Variants in F11R observed in about 807,000 individuals in gnomAD.
F11R encodes F11 receptor, also known as junctional adhesion molecule A.
In F11R, 27 loss-of-function variants were observed where a neutral mutation model predicts 39.3. The ratio of observed to expected loss-of-function variants is 0.69; its 90% CI spans 0.51 to 0.95. F11R has a LOEUF of 0.95. Ranked by LOEUF, F11R falls within the 40% of genes least tolerant of loss-of-function variation. F11R has a pLI of 0.00. For synonymous variants in F11R, 131 were observed against 144.9 expected, an observed-to-expected ratio of 0.90 and a Z score of 0.69; for missense variants, 335 against 372.7, an observed-to-expected ratio of 0.90 and a Z score of 0.83.
intron 1 of F11R, among the ~76,000 whole-genome samples, chr1:161,011,796 TA>T (rs1332460985): frequency 3.3e-5 from 5 of 152,188 alleles, no homozygotes; most frequent in African/African-American, 1.2e-4. Flanking sequence ...TCATAAAGAC[TA>T]GAATGAAACA....
chr1:161,017,099 A>G (rs1649504538), intron 1 of F11R, among the ~76,000 whole-genome samples: 1 of 152,106 alleles, frequency 6.6e-6, no homozygotes, highest in Non-Finnish European at 1.5e-5. Context: ...ACCACTCCCT[A>G]ATCTCAAGTA....
chr1:161,003,283 C>T (rs1245291130), intron 1 of F11R, among the ~76,000 whole-genome samples: 1 of 151,774 alleles, frequency 6.6e-6, no homozygotes, highest in African/African-American at 2.4e-5. Flanking sequence ...GCCACCATGC[C>T]CGGCTAATTT....
At chr1:161,004,621 A>G (rs1369582083) in intron 1 of F11R, among the ~76,000 whole-genome samples, 1 of 152,004 alleles carries the variant, frequency 6.6e-6, no homozygotes, top group Non-Finnish European at 1.5e-5. Context: ...AGGCAAAAGG[A>G]CTACTTAAGC....
chr1:161,010,803 T>G (rs909773903), intron 1 of F11R, among the ~76,000 whole-genome samples: 1 of 151,680 alleles, frequency 6.6e-6, no homozygotes, highest in Admixed American at 6.6e-5. Context: ...CTGACCAAAA[T>G]GGTGAAACCC....
intron 1 of F11R, among the ~76,000 whole-genome samples, chr1:161,008,525 C>A (rs753357679): frequency 2.0e-5 from 3 of 152,096 alleles, no homozygotes; most frequent in Non-Finnish European, 4.4e-5. Context: ...AAAGTCCATT[C>A]TCCATTCCAC....
rs140220231 is a variant in F11R, at chr1:161,000,171, A to G, written c.566T>C (p.Val189Ala). 39 of 1,614,018 alleles carry G rather than the reference A, an allele frequency of 2.4e-5. No homozygotes were observed. The highest frequency in any genetic ancestry group is 3.1e-5 in the Non-Finnish European group (37 of 1,180,026). Residue 189 changes from valine (V) to alanine (A), a missense_variant, in exon 5 of 10, where the codon GTC becomes GCC. Val to Ala is a moderately conservative substitution (Grantham distance 64). Transcript: ENST00000368026. ...CAGCTCTCCTGTTGTGGGATTCAGG[A>G]CATAGGAAGAGTTGCTGAAGGCACG... ...STRAFSNSSY[V>A]LNPTTGELVF... is the part of the protein sequence containing the mutation.
At chr1:161,003,280 T>C (rs1648602700) in intron 1 of F11R, among the ~76,000 whole-genome samples, 1 of 151,336 alleles carries the variant, frequency 6.6e-6, no homozygotes, top group Admixed American at 6.6e-5. Context: ...TGTGCCACCA[T>C]GCCCGGCTAA....
intron 1 of F11R, among the ~76,000 whole-genome samples, chr1:161,006,660 C>T (rs192553106): frequency 1.3e-3 from 204 of 152,316 alleles, no homozygotes; most frequent in African/African-American, 4.8e-3. Flanking sequence ...TGTCCTCCCA[C>T]CCACCTCTGT....
At chr1:161,006,556 C>A (rs1648828682) in intron 1 of F11R, among the ~76,000 whole-genome samples, 2 of 152,208 alleles carry the variant, frequency 1.3e-5, no homozygotes, top group South Asian at 4.1e-4. Context: ...CGTTGGGCTA[C>A]AGGCATATTA....
At chr1:161,019,810 A>T (rs1019383736) in intron 1 of F11R, among the ~76,000 whole-genome samples, 3 of 152,124 alleles carry the variant, frequency 2.0e-5, no homozygotes, top group African/African-American at 7.2e-5. Flanking sequence ...ATTGTCATTG[A>T]AGTCATTTCC....
chr1:161,012,645 C>T lies in F11R; in HGVS notation c.64+8365G>A, dbSNP rs1412103301. 3.0e-4 allele frequency among the ~76,000 whole-genome samples: 27 copies of T among 89,710 alleles called. 2 individuals are homozygous for T. In the South Asian group the frequency reaches 9.4e-3, roughly 31 times the overall value. 58.9% of individuals were successfully genotyped at this position (89,710 alleles called of 152,430 possible). A position where few individuals can be genotyped will look rare whatever the true frequency, so the allele number is the denominator to read the frequency against. On this transcript the variant is annotated intron_variant, in intron 1 of 9. Transcript: ENST00000368026. ...ATTTATTTATTTATTTATTTTGAGA[C>T]AGAGTTTTTGCTCTCGTCACCCAGG...
rs199703485 is a variant in F11R, at chr1:160,999,888, G to T, written c.682C>A (p.Arg228Ser). Reference protein sequence around the residue: ...YGTPMTSNAVRMEAVERNVGV... With the variant: ...YGTPMTSNAVSMEAVERNVGV... ...CCCTAACTCTCACCAGCTTCCATGC[G>T]CACAGCATTTGAAGTCATGGGTGTC... The change falls in exon 6 of 10, where the codon CGC becomes AGC. Residue 228 changes from arginine to serine, a missense_variant. Transcript: ENST00000368026. The T allele has an allele frequency of 3.7e-5, 60 of 1,613,918 alleles. No individual in the cohort carries two copies. Among genetic ancestry groups the T allele is most frequent in the Middle Eastern group, 1.6e-4 (1 of 6,084 alleles).
intron 1 of F11R, among the ~76,000 whole-genome samples, chr1:161,009,483 TG>T (rs1259721956): frequency 2.6e-5 from 4 of 151,416 alleles, no homozygotes; most frequent in Non-Finnish European, 2.9e-5. Context: ...ATTAATCAGC[TG>T]CAGTCATGCA....
chr1:161,019,596 A>G (rs1483526420), intron 1 of F11R, among the ~76,000 whole-genome samples: 3 of 150,266 alleles, frequency 2.0e-5, no homozygotes, highest in Non-Finnish European at 4.5e-5. Context: ...TCTAACTCAA[A>G]AAAAAAAAAA....
intron 1 of F11R, among the ~76,000 whole-genome samples, chr1:161,003,722 G>A (rs992743682): frequency 1.3e-4 from 19 of 150,996 alleles, no homozygotes; most frequent in African/African-American, 3.9e-4. Context: ...GATTACAGGC[G>A]CCCGCCACTA....
chr1:161,014,929 T>A (rs1285391037), intron 1 of F11R, among the ~76,000 whole-genome samples: 4 of 98,342 alleles, frequency 4.1e-5, no homozygotes, highest in South Asian at 3.3e-4. Flanking sequence ...AAAAAAAAAA[T>A]TAGCAGGGAA....
chr1:161,005,464 C>T (rs201159670), intron 1 of F11R, among the ~76,000 whole-genome samples: 4 of 151,900 alleles, frequency 2.6e-5, no homozygotes, highest in East Asian at 3.9e-4. Context: ...CTCTGTCTCC[C>T]GGGTTCCAGC....
chr1:161,000,643 G>A lies in F11R; in HGVS notation c.376C>T (p.Leu126Phe). ...ATGGGGCACGTACCAAGCACGATGA[G>A]CTTGACCTTGACCTCCCCATAGCTG... is the stretch of plus-strand genomic sequence containing the variant. ...GNSYGEVKVK[L>F]IVLVPPSKPT... Residue 126 changes from leucine to phenylalanine, a missense_variant, in exon 4 of 10, where the codon CTC becomes TTC. Physicochemically the swap from Leu to Phe is conservative, Grantham distance 22. Transcript: ENST00000368026. 6.2e-7 allele frequency: 1 copy of A among 1,614,176 alleles called. No homozygotes were observed. Among genetic ancestry groups the A allele is most frequent in the Non-Finnish European group, 8.5e-7 (1 of 1,180,030 alleles).
chr1:160,996,809 T>C lies in F11R; in HGVS notation c.*2062A>G, dbSNP rs41267951. The C allele has an allele frequency of 0.22, 34,150 of 152,318 alleles. 4,551 individuals are homozygous for C. The highest frequency in any genetic ancestry group is 0.29 in the Non-Finnish European group (19,656 of 68,024). 9.4% of individuals were successfully genotyped at this position (152,318 alleles called of 1,614,324 possible). Reference sequence around the variant, plus strand: ...CAAAACAAAAAACAACAAACTCATCTTTACTGAACCATTTCATAAGCTCTA... The same window carrying C: ...CAAAACAAAAAACAACAAACTCATCCTTACTGAACCATTTCATAAGCTCTA... On this transcript the variant is annotated 3_prime_UTR_variant, in exon 10 of 10. Transcript: ENST00000368026.
Sources: gnomAD v4.1 joint callset for allele counts (sites outside exome capture counted in the v4.1 genomes callset) on GRCh38, gnomAD v4.1.1 for gene constraint, MANE v1.5 for transcripts, NCBI Gene and HGNC (gene_info 2026-07-23, HGNC 2026-07-21) for gene names.